The following THOC2 variants were observed in gnomAD, a reference collection of about 807,000 sequenced individuals.
THOC2 encodes the protein THO complex subunit 2.
THOC2 carries 10 observed loss-of-function variants against 128.4 expected under a neutral mutation model. The observed-to-expected ratio is 0.08, with a 90% CI of 0.05 to 0.13. THOC2 has a LOEUF of 0.13. THOC2 is among the 10% of genes least tolerant of loss of function. THOC2 has a pLI of 1.00. For synonymous variants in THOC2, 393 were observed against 396.9 expected (o/e 0.99, Z 0.12); for missense variants, 535 against 1,155.7 (o/e 0.46, Z 7.79).
chrX:123,668,721 G>A (rs181138777), intron 9 of THOC2, among the ~76,000 whole-genome samples: 1 of 112,306 alleles, frequency 8.9e-6, no homozygotes, highest in African/African-American at 3.2e-5. Context: ...TTTGGGAAAG[G>A]TGAACTACTG....
At chrX:123,668,100 A>G (rs1450165435) in intron 10 of THOC2, 59 bp downstream of exon 10, 3 of 912,119 alleles carry the variant, frequency 3.3e-6, no homozygotes, top group Non-Finnish European at 4.5e-6. Context: ...TTTAGAAGTT[A>G]AATTTCATAA....
chrX:123,606,672 A>C (rs983605233), intron 38 of THOC2, among the ~76,000 whole-genome samples: 1 of 112,133 alleles, frequency 8.9e-6, no homozygotes, highest in Non-Finnish European at 1.9e-5. Flanking sequence ...AAGGGCTGAT[A>C]ATTTGCAACG....
chrX:123,669,138 T>C (rs1158880651), intron 9 of THOC2, among the ~76,000 whole-genome samples: 1 of 107,429 alleles, frequency 9.3e-6, no homozygotes, highest in African/African-American at 3.4e-5. Context: ...CTATTAAACA[T>C]TATAGATTTC....
chrX:123,627,235 A>C (rs1169681191), intron 23 of THOC2, among the ~76,000 whole-genome samples: 1 of 111,967 alleles, frequency 8.9e-6, no homozygotes, highest in Non-Finnish European at 1.9e-5. Flanking sequence ...ACTACATGAA[A>C]GTGAATCAGT....
At chrX:123,615,644 C>CAA (rs55742104) in intron 33 of THOC2, among the ~76,000 whole-genome samples, 1,568 of 95,969 alleles carry the variant, frequency 0.016, 16 homozygotes, top group Non-Finnish European at 0.026. Flanking sequence ...CCAATAAAAG[C>CAA]AAAAAAAAAA....
At chrX:123,677,783 T>C (rs1478671445) in intron 8 of THOC2, among the ~76,000 whole-genome samples, 1 of 104,462 alleles carries the variant, frequency 9.6e-6, no homozygotes, top group Non-Finnish European at 1.9e-5. Context: ...GGCAGGAGAA[T>C]GGCTTGAACC....
intron 15 of THOC2, among the ~76,000 whole-genome samples, chrX:123,642,979 T>A (rs1479056750): frequency 9.0e-6 from 1 of 111,377 alleles, no homozygotes; most frequent in African/African-American, 3.3e-5. Flanking sequence ...CCTAGAGGTA[T>A]GATAACATTA....
Position 123,624,619 on chromosome X carries a change from G to C in THOC2, c.3108C>G (p.Ala1036=), listed in dbSNP as rs1184470419. Residue 1036 remains alanine, a synonymous_variant, in exon 26 of 39, where the codon GCC becomes GCG. Transcript: ENST00000245838. ...YTVASCTENE[A]SRYGRFLCCM... Reference sequence around the variant, plus strand: ...AGCAAAGAAACCTTCCGTATCGACTGGCTTCATTTTCAGTACAGCTTGCAA... The same window carrying C: ...AGCAAAGAAACCTTCCGTATCGACTCGCTTCATTTTCAGTACAGCTTGCAA... The C allele has an allele frequency of 8.3e-7, 1 of 1,209,170 alleles. No homozygotes were observed. The highest frequency in any genetic ancestry group is 1.1e-6 in the Non-Finnish European group (1 of 893,628).
chrX:123,728,664 C>G (rs944352333), intron 1 of THOC2, among the ~76,000 whole-genome samples: 1 of 110,489 alleles, frequency 9.1e-6, no homozygotes, highest in Non-Finnish European at 1.9e-5. Flanking sequence ...TCTGAACAAC[C>G]AAATATACTT....
chrX:123,623,831 T>C lies in THOC2; in HGVS notation c.3459A>G (p.Gln1153=). The change falls in exon 28 of 39, where the codon CAA becomes CAG. Residue 1153 remains glutamine (Q), a synonymous_variant. Coordinates refer to ENST00000245838, the MANE Select transcript of THOC2 (RefSeq NM_001081550.2). ...GATCTGGCCTCTTCTCTTTTTCTTC[T>C]TGGCAGATTTTGTGTACTCTTCTTT... is the stretch of plus-strand genomic sequence containing the variant. ...ALERRVHKIC[Q]EEKEKRPDLY... is the part of the protein sequence containing the mutation. 8.3e-7 allele frequency: 1 copy of C among 1,210,332 alleles called. No individual in the cohort carries two copies. Among genetic ancestry groups the C allele is most frequent in the Non-Finnish European group, 1.1e-6 (1 of 895,107 alleles).
intron 12 of THOC2, among the ~76,000 whole-genome samples, chrX:123,655,225 G>A (rs1461136338): frequency 7.2e-5 from 8 of 111,423 alleles, no homozygotes; most frequent in Non-Finnish European, 9.4e-5. Flanking sequence ...TAAAACCTTC[G>A]CATTTATTTC....
Position 123,667,118 on chromosome X carries a change from G to A in THOC2, c.1178C>T (p.Pro393Leu). Residue 393 changes from proline (P) to leucine (L), a missense_variant, in exon 11 of 39, where the codon CCT becomes CTT. Physicochemically the swap from Pro to Leu is moderately conservative, Grantham distance 98 (BLOSUM62 -3). This residue lies in a region of THOC2 where 197 missense variants were observed against 313.4 expected (regional missense o/e 0.63). Transcript: ENST00000245838. ...TAAAGTTACATACCTTCGGTAGAGA[G>A]GCTCAATAGTTATATGAATGAGCTT... ...ICKLIHITIE[P>L]LYRRVGVPKG... 1 of 1,186,395 alleles carries A rather than the reference G, an allele frequency of 8.4e-7. No individual in the cohort carries two copies. The highest frequency in any genetic ancestry group is 1.1e-6 in the Non-Finnish European group (1 of 884,026).
At chrX:123,728,427 A>C (rs1366045944) in intron 1 of THOC2, among the ~76,000 whole-genome samples, 3 of 111,743 alleles carry the variant, frequency 2.7e-5, no homozygotes, top group Non-Finnish European at 5.6e-5. Context: ...TTCTCTTCCC[A>C]GGAAAACAGA....
At chrX:123,727,724 G>A (rs1261811602) in intron 1 of THOC2, among the ~76,000 whole-genome samples, 1 of 112,083 alleles carries the variant, frequency 8.9e-6, no homozygotes, top group African/African-American at 3.2e-5. Flanking sequence ...TTACAGGTGT[G>A]TGCCACAGTG....
rs60969537 is a variant in THOC2 at position 123,657,960 on chromosome X, CGTGTGTGTGTGTGTGT to C, written c.1386+7666_1386+7681del. Among the ~76,000 whole-genome samples, 123 of 94,811 alleles carry C rather than the reference CGTGTGTGTGTGTGTGT, an allele frequency of 1.3e-3. 2 individuals are homozygous for C. The highest frequency in any genetic ancestry group is 6.5e-4 in the Non-Finnish European group (31 of 47,389). 82.3% of individuals were successfully genotyped at this position (94,811 alleles called of 115,157 possible). On this transcript the variant is annotated intron_variant, in intron 12 of 38. Coordinates refer to ENST00000245838, the MANE Select transcript of THOC2 (RefSeq NM_001081550.2). ...ATGTATTTGATTACATACGCATATG[CGTGTGTGTGTGTGTGT>C]GTGTGTGTGTGTGTGTGTGTGTGTG...
At position 123,686,533 on chromosome X, in the gene THOC2, C is replaced by T. The variant is rs1455736496; in HGVS notation, c.768+15G>A. 1.5e-5 allele frequency: 17 copies of T among 1,162,890 alleles called. No individual in the cohort carries two copies. Among genetic ancestry groups the T allele is most frequent in the Non-Finnish European group, 1.9e-5 (16 of 863,031 alleles). On this transcript the variant is annotated intron_variant, in intron 8 of 38. Transcript: ENST00000245838. The stretch of plus-strand genomic sequence containing the variant: ...ATCAATCTCTAAATATACATACATA[C>T]ACGTTTTTCTTTACCTGGTAAAACT...
intron 2 of THOC2, among the ~76,000 whole-genome samples, chrX:123,708,751 CT>C (rs2051048330): frequency 9.0e-6 from 1 of 111,298 alleles, no homozygotes; most frequent in Non-Finnish European, 1.9e-5. Context: ...CACAAGTTTT[CT>C]TATTTTTTTT....
chrX:123,657,992 TGTG>T, intron 12 of THOC2, among the ~76,000 whole-genome samples: 1 of 110,153 alleles, frequency 9.1e-6, no homozygotes, highest in Non-Finnish European at 1.9e-5. Context: ...TGTGTGTGTG[TGTG>T]TGTGTGTGTG....
intron 8 of THOC2, among the ~76,000 whole-genome samples, chrX:123,684,341 C>T (rs1218739375): frequency 8.9e-6 from 1 of 111,830 alleles, no homozygotes; most frequent in Non-Finnish European, 1.9e-5. Context: ...ATCATGGTGG[C>T]TCTTAAAATC....
Sources: gnomAD v4.1 joint callset for allele counts (sites outside exome capture counted in the v4.1 genomes callset) on GRCh38, gnomAD v4.1.1 for gene constraint, gnomAD v4.1.1 regional missense constraint, MANE v1.5 for transcripts, NCBI Gene and HGNC (gene_info 2026-07-23, HGNC 2026-07-21) for gene names.